Variants in TECTA observed in about 807,000 individuals in gnomAD.
TECTA encodes tectorin alpha, also known as alpha-tectorin.
TECTA carries 128 observed loss-of-function variants against 216.8 expected under a neutral mutation model. The ratio of observed to expected loss-of-function variants is 0.59; its 90% CI spans 0.51 to 0.68. The LOEUF (loss-of-function observed/expected upper bound fraction) is 0.68. Among genes scored for constraint, TECTA ranks in the 30% least tolerant of loss-of-function variants. The pLI is 0.00. For synonymous variants in TECTA, 1,089 were observed against 1,117.1 expected, an observed-to-expected ratio of 0.97 and a Z score of 0.50; for missense variants, 2,551 against 2,786.2, an observed-to-expected ratio of 0.92 and a Z score of 1.90.
intron 20 of TECTA, among the ~76,000 whole-genome samples, chr11:121,181,648 T>G (rs920646078): frequency 3.3e-5 from 5 of 152,074 alleles, no homozygotes; most frequent in Non-Finnish European, 1.5e-5. Flanking sequence ...TTTTGTATTT[T>G]TAGTAGAGAC....
At chr11:121,173,226 G>A (rs1039244087) in intron 20 of TECTA, among the ~76,000 whole-genome samples, 2 of 150,786 alleles carry the variant, frequency 1.3e-5, no homozygotes, top group African/African-American at 4.8e-5. Flanking sequence ...GGTTTTTGTT[G>A]CCATTGCTTT....
intron 11 of TECTA, among the ~76,000 whole-genome samples, chr11:121,144,961 C>A (rs1436730669): frequency 6.6e-6 from 1 of 152,148 alleles, no homozygotes; most frequent in Non-Finnish European, 1.5e-5. Context: ...GTATAAATAA[C>A]CTGCCCTGGT....
intron 20 of TECTA, among the ~76,000 whole-genome samples, chr11:121,179,204 T>C (rs1591469215): frequency 6.6e-6 from 1 of 152,160 alleles, no homozygotes; most frequent in East Asian, 1.9e-4. Context: ...TTTTGTTGTA[T>C]CTCACATGTT....
At chr11:121,189,980 C>T in intron 23 of TECTA, 100 bp downstream of exon 23, 5 of 950,318 alleles carry the variant, frequency 5.3e-6, no homozygotes, top group Non-Finnish European at 8.5e-6. Context: ...CGGTCAGCAA[C>T]TCTCCCTCGA....
intron 7 of TECTA, among the ~76,000 whole-genome samples, chr11:121,119,881 G>A (rs1404876699): frequency 2.6e-5 from 4 of 152,184 alleles, no homozygotes; most frequent in African/African-American, 7.2e-5. Flanking sequence ...TTGCTATTTG[G>A]TTAGTCTCTG....
intron 11 of TECTA, among the ~76,000 whole-genome samples, chr11:121,143,358 G>GCTGA (rs1946802346): frequency 6.6e-6 from 1 of 152,174 alleles, no homozygotes; most frequent in African/African-American, 2.4e-5. Flanking sequence ...CTTTGCTGGG[G>GCTGA]CTGAGCCCTT....
At chr11:121,133,318 C>A (rs1049781772) in intron 10 of TECTA, among the ~76,000 whole-genome samples, 33 of 152,068 alleles carry the variant, frequency 2.2e-4, no homozygotes, top group African/African-American at 7.5e-4. Context: ...TATGTATTTC[C>A]TTAGAGTAGG....
At chr11:121,179,927 G>C (rs546708879) in intron 20 of TECTA, among the ~76,000 whole-genome samples, 3 of 147,126 alleles carry the variant, frequency 2.0e-5, no homozygotes, top group Non-Finnish European at 4.5e-5. Flanking sequence ...GGTGAAGTGA[G>C]TTTCTTGTAG....
intron 10 of TECTA, among the ~76,000 whole-genome samples, chr11:121,135,875 AT>A (rs1946721001): frequency 6.6e-6 from 1 of 152,070 alleles, no homozygotes; most frequent in Non-Finnish European, 1.5e-5. Context: ...CCTCTGGCAA[AT>A]TGTGACCCAT....
chr11:121,106,643 T>G (rs1946392748), intron 3 of TECTA, among the ~76,000 whole-genome samples: 1 of 152,166 alleles, frequency 6.6e-6, no homozygotes, highest in African/African-American at 2.4e-5. Context: ...CTGGCTTTAT[T>G]GTTGGCCTTA....
intron 7 of TECTA, among the ~76,000 whole-genome samples, 181 bp downstream of exon 7, chr11:121,118,899 A>G (rs750302553): frequency 3.3e-5 from 5 of 152,146 alleles, no homozygotes; most frequent in African/African-American, 4.8e-5. Context: ...TTTTATGTGT[A>G]CAAGAGCTAT....
rs776789845 is a variant in TECTA, at chr11:121,162,097, G to A, written c.4999G>A (p.Glu1667Lys). 6.2e-6 allele frequency: 10 copies of A among 1,613,958 alleles called. No homozygotes were observed. Among genetic ancestry groups the A allele is most frequent in the Admixed American group, 3.3e-5 (2 of 60,014 alleles). The change falls in exon 16 of 24, where the codon GAG becomes AAG. Residue 1667 changes from glutamate (E) to lysine (K), a missense_variant. This residue lies in a region of TECTA where 2,375 missense variants were observed against 2,563.9 expected (regional missense o/e 0.93). Coordinates refer to ENST00000392793, the MANE Select transcript of TECTA (RefSeq NM_005422.4). ...CAGACCTCTTGCCCCCAGCTGCAAC[G>A]AGCTGCAGTTCTCACAGTATGCAGC... is the stretch of plus-strand genomic sequence containing the variant. ...QKRPLAPSCNELQFSQYAAMC... is the reference protein window; with the variant it reads ...QKRPLAPSCNKLQFSQYAAMC...
chr11:121,168,322 C>A lies in TECTA; in HGVS notation c.5750+105C>A, dbSNP rs939257074. 2.2e-4 allele frequency: 324 copies of A among 1,454,026 alleles called. 1 individual carries two copies. Among genetic ancestry groups the A allele is most frequent in the Admixed American group, 1.3e-4 (8 of 59,656 alleles). 90.1% of individuals were successfully genotyped at this position (1,454,026 alleles called of 1,614,324 possible). On this transcript the variant is annotated intron_variant, in intron 19 of 23. Coordinates refer to ENST00000392793, the MANE Select transcript of TECTA (RefSeq NM_005422.4). ...TTTGTCTTTGATGCCCTAGGAAAAA[C>A]ATAATTCACGTTTCTTGAGCCTAAA...
Position 121,190,953 on chromosome 11 carries a change from A to G in TECTA, c.*147A>G, listed in dbSNP as rs1217471825. 3.1e-6 allele frequency: 2 copies of G among 653,390 alleles called. No homozygotes were observed. The highest frequency in any genetic ancestry group is 2.7e-6 in the Non-Finnish European group (1 of 368,384). The allele number at this position is 653,390 out of a possible 1,614,324, so 40.5% of individuals were successfully genotyped here. ...ACCTGCCTCCAATGGTCCAAGGTCC[A>G]GAAACCAGCGACCATCCAAGCTCCT... On this transcript the variant is annotated 3_prime_UTR_variant, in exon 24 of 24. Transcript: ENST00000392793.
rs1481929769 is a variant in TECTA, at chr11:121,189,869, A to C, written c.6356A>C (p.Lys2119Thr). 6.2e-7 allele frequency: 1 copy of C among 1,612,760 alleles called. No homozygotes were observed. The highest frequency in any genetic ancestry group is 1.1e-5 in the South Asian group (1 of 91,030). The change falls in exon 23 of 24, where the codon AAG (lysine) becomes ACG (threonine). Residue 2119 changes from lysine to threonine, a missense_variant. Coordinates refer to ENST00000392793, the MANE Select transcript of TECTA (RefSeq NM_005422.4). Reference protein sequence around the residue: ...CVTGTLQEDGKSCRASNSSME... With the variant: ...CVTGTLQEDGTSCRASNSSME... ...ACAGGAACCCTGCAGGAGGACGGCA[A>C]GAGCTGCAGAGGTAGACACTCTTCT...
At chr11:121,149,499 C>T (rs1271115565) in intron 12 of TECTA, among the ~76,000 whole-genome samples, 3 of 152,150 alleles carry the variant, frequency 2.0e-5, no homozygotes, top group African/African-American at 7.2e-5. Context: ...ATATCAGGAG[C>T]TTTACGAATT....
At chr11:121,116,550 A>G (rs1946503825) in intron 6 of TECTA, among the ~76,000 whole-genome samples, 1 of 152,182 alleles carries the variant, frequency 6.6e-6, no homozygotes. Context: ...CTCCTGAGTT[A>G]TAGGTTTGGG....
At chr11:121,152,697 G>T (rs1156675815) in intron 12 of TECTA, among the ~76,000 whole-genome samples, 184 bp from the exon 13 acceptor site, 1 of 152,162 alleles carries the variant, frequency 6.6e-6, no homozygotes, top group Non-Finnish European at 1.5e-5. Flanking sequence ...TATTTAAGCA[G>T]GAACGAATCA....
chr11:121,167,934 TG>T, intron 18 of TECTA, 119 bp from the exon 19 acceptor site: 1 of 1,141,650 alleles, frequency 8.8e-7, no homozygotes, highest in Non-Finnish European at 1.3e-6. Flanking sequence ...TGATTTATAC[TG>T]GCCTCTAAAT....
Sources: gnomAD v4.1 joint callset for allele counts (sites outside exome capture counted in the v4.1 genomes callset) on GRCh38, gnomAD v4.1.1 for gene constraint, gnomAD v4.1.1 regional missense constraint, MANE v1.5 for transcripts, NCBI Gene and HGNC (gene_info 2026-07-23, HGNC 2026-07-21) for gene names.